KHDRBS2: variants seen among roughly 807,000 people sequenced by gnomAD.
KHDRBS2 encodes KH RNA binding domain containing, signal transduction associated 2.
In KHDRBS2, 26 loss-of-function variants were observed where a neutral mutation model predicts 44.3. The ratio of observed to expected loss-of-function variants is 0.59; its 90% CI spans 0.43 to 0.81. KHDRBS2 has a LOEUF of 0.81. Among genes scored for constraint, KHDRBS2 ranks in the 40% least tolerant of loss-of-function variants. The pLI is 0.00. For synonymous variants in KHDRBS2, 194 were observed against 151.1 expected (o/e 1.28, Z -2.08); for missense variants, 476 against 433.1 (o/e 1.10, Z -0.88).
intron 4 of KHDRBS2, among the ~76,000 whole-genome samples, chr6:61,955,040 G>T (rs1766245566): frequency 3.5e-5 from 5 of 142,586 alleles, no homozygotes; most frequent in Admixed American, 2.8e-4. Context: ...ATACATACAT[G>T]TATGTATACA....
intron 1 of KHDRBS2, among the ~76,000 whole-genome samples, chr6:62,204,137 C>T (rs949478319): frequency 1.3e-5 from 2 of 152,092 alleles, no homozygotes; most frequent in African/African-American, 4.8e-5. Flanking sequence ...GAACTGTGAG[C>T]CAAATAAATC....
the KHDRBS2 span, among the ~76,000 whole-genome samples, chr6:61,667,810 G>C: frequency 6.6e-6 from 1 of 151,348 alleles, no homozygotes; most frequent in South Asian, 2.1e-4. Flanking sequence ...AGGGTGAAGT[G>C]TTTTCTTGGG....
At chr6:61,909,288 C>G (rs139818455) in intron 4 of KHDRBS2, among the ~76,000 whole-genome samples, 22 of 151,900 alleles carry the variant, frequency 1.4e-4, no homozygotes, top group Admixed American at 1.2e-3. Flanking sequence ...AGGCTGGTGT[C>G]GCACTCCTGA....
At chr6:61,701,685 A>G (rs1768697366) in intron 7 of KHDRBS2, among the ~76,000 whole-genome samples, 1 of 152,026 alleles carries the variant, frequency 6.6e-6, no homozygotes, top group Non-Finnish European at 1.5e-5. Flanking sequence ...CTTATTAAAA[A>G]GACAAAACAA....
At chr6:61,958,703 C>A (rs1767972220) in intron 4 of KHDRBS2, among the ~76,000 whole-genome samples, 1 of 152,148 alleles carries the variant, frequency 6.6e-6, no homozygotes. Flanking sequence ...CTTTACAGAA[C>A]CTGATCTTAC....
chr6:61,984,354 T>C (rs1182652211), intron 3 of KHDRBS2, among the ~76,000 whole-genome samples: 1 of 152,232 alleles, frequency 6.6e-6, no homozygotes, highest in Non-Finnish European at 1.5e-5. Context: ...TAGCTTTTTT[T>C]GTGAAATTTC....
intron 4 of KHDRBS2, among the ~76,000 whole-genome samples, chr6:61,940,918 C>A (rs1182157282): frequency 6.6e-6 from 1 of 152,196 alleles, no homozygotes; most frequent in Non-Finnish European, 1.5e-5. Context: ...CATCTCCTCA[C>A]CTGCTGGCCT....
chr6:61,702,411 A>C (rs1768834692), intron 7 of KHDRBS2, among the ~76,000 whole-genome samples: 1 of 151,918 alleles, frequency 6.6e-6, no homozygotes, highest in East Asian at 1.9e-4. Context: ...CCTATTATGT[A>C]GGAGAGATAA....
the KHDRBS2 span, among the ~76,000 whole-genome samples, chr6:61,563,821 TAAAC>T: frequency 1.3e-5 from 2 of 152,234 alleles, no homozygotes; most frequent in Non-Finnish European, 1.5e-5. Flanking sequence ...ATAAGATAGT[TAAAC>T]AAAAAAGCTC....
At chr6:61,976,279 T>C (rs1772639806) in intron 4 of KHDRBS2, among the ~76,000 whole-genome samples, 1 of 152,128 alleles carries the variant, frequency 6.6e-6, no homozygotes, top group South Asian at 2.1e-4. Context: ...AAGATGGGGA[T>C]ACAGTGTTGG....
intron 6 of KHDRBS2, among the ~76,000 whole-genome samples, chr6:61,781,478 A>G (rs1443270035): frequency 2.6e-5 from 4 of 152,204 alleles, no homozygotes. Flanking sequence ...ATTCAAGAGA[A>G]GCAAAAAAGA....
chr6:62,065,022 A>G (rs1444932050), intron 2 of KHDRBS2, among the ~76,000 whole-genome samples: 1 of 152,184 alleles, frequency 6.6e-6, no homozygotes, highest in Non-Finnish European at 1.5e-5. Flanking sequence ...CCAAAAAAAC[A>G]CATGAAAAAA....
intron 6 of KHDRBS2, among the ~76,000 whole-genome samples, chr6:61,791,966 A>G (rs1375684097): frequency 1.3e-5 from 2 of 150,834 alleles, no homozygotes; most frequent in Admixed American, 1.3e-4. Flanking sequence ...TTTGTCCTTC[A>G]TGGTCTGTGT....
At chr6:61,566,364 G>A in the KHDRBS2 span, among the ~76,000 whole-genome samples, 1 of 152,098 alleles carries the variant, frequency 6.6e-6, no homozygotes, top group African/African-American at 2.4e-5. Flanking sequence ...AATGCATAAT[G>A]TATTTTAAAA....
chr6:61,672,054 T>G, the KHDRBS2 span, among the ~76,000 whole-genome samples: 1 of 120,566 alleles, frequency 8.3e-6, no homozygotes, highest in South Asian at 2.5e-4. Context: ...TGTCCATGTG[T>G]TCTCTTGTTC....
At position 61,696,989 on chromosome 6, in the gene KHDRBS2, T is replaced by C. The variant is rs1257616328; in HGVS notation, c.952+206A>G. Among the ~76,000 whole-genome samples, 3 of 152,178 alleles carry C rather than the reference T, an allele frequency of 2.0e-5. No homozygotes were observed. The East Asian group carries it at 5.8e-4, about 29-fold the overall frequency. On this transcript the variant is annotated intron_variant, in intron 8 of 8. Transcript: ENST00000281156. ...GTTGAAAATGATTTATGATTGTGAT[T>C]AATTGCTTTTAAAATTTTGATCAAA...
At chr6:62,039,647 T>G (rs577879884) in intron 3 of KHDRBS2, among the ~76,000 whole-genome samples, 4 of 152,064 alleles carry the variant, frequency 2.6e-5, no homozygotes, top group African/African-American at 9.7e-5. Flanking sequence ...AAGAAATGAC[T>G]AATGATGTAA....
At chr6:61,889,723 T>A (rs1239035220) in intron 6 of KHDRBS2, among the ~76,000 whole-genome samples, 1 of 152,136 alleles carries the variant, frequency 6.6e-6, no homozygotes, top group Non-Finnish European at 1.5e-5. Flanking sequence ...ATAAATCTAA[T>A]CATGCCACTT....
In KHDRBS2 at chr6:61,914,239, T is replaced by A. The variant is rs183505160; in HGVS notation, c.484-12868A>T. ...TTGCTGATGGATTAGATATGGCAAA[T>A]AATGAAAAAAAAATGAACTTAAAGC... On this transcript the variant is annotated intron_variant, in intron 4 of 8. Transcript: ENST00000281156. Among the ~76,000 whole-genome samples the A allele has an allele frequency of 2.6e-5, 4 of 151,518 alleles. No individual in the cohort carries two copies. In the East Asian group the frequency reaches 7.8e-4, roughly 30 times the overall value.
Sources: allele counts gnomAD v4.1 joint callset (sites outside exome capture counted in the v4.1 genomes callset), GRCh38; gene constraint gnomAD v4.1.1; transcripts MANE v1.5; gene names NCBI Gene and HGNC (gene_info 2026-07-23, HGNC 2026-07-21).